The following MIAT variants were observed in gnomAD, a reference collection of about 807,000 sequenced individuals.
MIAT encodes the protein myocardial infarction associated transcript.
At chr22:26,647,022 G>T in intron 1 of MIAT, 4 of 398,178 alleles carry the variant, frequency 1.0e-5, no homozygotes, top group South Asian at 1.4e-4. Flanking sequence ...TGAGACATTT[G>T]ATTGGCTTTT....
At chr22:26,663,426 C>G (rs1247646157) in intron 3 of MIAT, 11 of 398,550 alleles carry the variant, frequency 2.8e-5, no homozygotes, top group Non-Finnish European at 4.4e-5. Context: ...CCTGTGTCCA[C>G]TGGGGATGGT....
chr22:26,670,950 C>A, downstream of MIAT: 1 of 397,018 alleles, frequency 2.5e-6, no homozygotes. Flanking sequence ...GGAGCCAGGC[C>A]AGCTTGATGC....
downstream of MIAT, chr22:26,672,946 G>GT (rs1236794890): frequency 2.5e-6 from 1 of 398,502 alleles, no homozygotes; most frequent in Admixed American, 4.4e-5. Context: ...CTAGAGAGCC[G>GT]TCTCCCCTCT....
At chr22:26,650,403 A>C (rs1930316969) in intron 2 of MIAT, 1 of 152,190 alleles carries the variant, frequency 6.6e-6, no homozygotes, top group Non-Finnish European at 1.5e-5. Flanking sequence ...CCTTGCTGAC[A>C]AGTATCCTCT....
exon 6 of MIAT, chr22:26,668,531 C>T (rs3752603): frequency 0.43 from 170,866 of 398,828 alleles, 38,057 homozygotes; most frequent in South Asian, 0.49. Context: ...CGCGTTTCTG[C>T]CGGTGACCAG....
At position 26,667,850 on chromosome 22, in the gene MIAT, T is replaced by C. The variant is rs1389430455; in HGVS notation, n.2263-308T>C. 3 of 203,636 alleles carry C rather than the reference T, an allele frequency of 1.5e-5. No homozygotes were observed. The Admixed American group carries it at 1.8e-4, about 12-fold the overall frequency. 12.6% of individuals were successfully genotyped at this position (203,636 alleles called of 1,614,324 possible). On this transcript the variant is annotated intron_variant and non_coding_transcript_variant, in intron 5 of 5. Transcript: ENST00000643270. Reference sequence around the variant, plus strand: ...CATGCTACCATGCCTGGCTTATTTTTTGTAGAGACAGAGTCTCATTATGTT... The same window carrying C: ...CATGCTACCATGCCTGGCTTATTTTCTGTAGAGACAGAGTCTCATTATGTT...
exon 1 of MIAT, chr22:26,646,455 A>G (rs1160533831): frequency 2.5e-6 from 1 of 399,284 alleles, no homozygotes; most frequent in Non-Finnish European, 4.4e-6. Flanking sequence ...GAACCACGAG[A>G]GGCAGGGAGG....
At chr22:26,669,718 G>A (rs4822767), downstream of MIAT, 349,192 of 399,074 alleles carry the variant, frequency 0.88, 153,269 homozygotes, top group East Asian at 1. Context: ...GGGATGGGGA[G>A]GAGGAGCAGA....
At chr22:26,671,092 G>C, downstream of MIAT, 1 of 398,622 alleles carries the variant, frequency 2.5e-6, no homozygotes, top group Non-Finnish European at 4.4e-6. Flanking sequence ...GGGTGTGCGT[G>C]TGTCTGTCAG....
chr22:26,666,151 T>C (rs1227818569), exon 4 of MIAT: 19 of 398,550 alleles, frequency 4.8e-5, no homozygotes, highest in African/African-American at 1.2e-4. Flanking sequence ...GAAGATATGC[T>C]GAGAGAGCTC....
intron 2 of MIAT, chr22:26,660,821 G>T (rs1342732688): frequency 2.0e-5 from 3 of 152,238 alleles, no homozygotes. Flanking sequence ...ACGCAGGTCC[G>T]TGTGCAAATC....
At chr22:26,675,990 A>G in exon 5 of MIAT, 1 of 398,712 alleles carries the variant, frequency 2.5e-6, no homozygotes, top group Non-Finnish European at 4.4e-6. Flanking sequence ...GAGCCCAAGC[A>G]GGCACATTCT....
intron 2 of MIAT, among the ~76,000 whole-genome samples, chr22:26,656,998 A>G (rs1157192755): frequency 6.6e-6 from 1 of 152,274 alleles, no homozygotes; most frequent in Non-Finnish European, 1.5e-5. Context: ...TGAAGTTAAC[A>G]GTTATGGGTT....
chr22:26,650,522 C>T (rs921242330), intron 2 of MIAT: 1 of 152,228 alleles, frequency 6.6e-6, no homozygotes, highest in Non-Finnish European at 1.5e-5. Flanking sequence ...CATTTGAATC[C>T]GTGTCTCAGG....
chr22:26,674,232 C>G (rs933860900), downstream of MIAT: 3 of 398,546 alleles, frequency 7.5e-6, no homozygotes, highest in African/African-American at 6.2e-5. Flanking sequence ...AGCATAAACT[C>G]TTCTGTGCAA....
At chr22:26,675,646 CG>C (rs1258757674) in exon 5 of MIAT, 5 of 398,504 alleles carry the variant, frequency 1.3e-5, no homozygotes, top group East Asian at 3.6e-5. Context: ...AATAAAGGCT[CG>C]GAAGGGGAGC....
intron 5 of MIAT, chr22:26,667,353 T>C (rs890579244): frequency 9.9e-5 from 39 of 395,776 alleles, no homozygotes; most frequent in African/African-American, 2.5e-4. Context: ...TGTGTGTGTG[T>C]GCGTGTGCAC....
chr22:26,665,768 G>A (rs1392460355), exon 4 of MIAT: 2 of 398,656 alleles, frequency 5.0e-6, no homozygotes, highest in African/African-American at 4.1e-5. Flanking sequence ...AAGAAAGAAA[G>A]AGCCTGTCCC....
At chr22:26,649,247 A>G (rs973989461) in intron 2 of MIAT, among the ~76,000 whole-genome samples, 2 of 152,210 alleles carry the variant, frequency 1.3e-5, no homozygotes, top group Non-Finnish European at 1.5e-5. Flanking sequence ...CCAAAGTCAC[A>G]TGGTGGGTAA....
Sources: allele counts gnomAD v4.1 joint callset (sites outside exome capture counted in the v4.1 genomes callset), GRCh38; gene constraint gnomAD v4.1.1; transcripts MANE v1.5; gene names NCBI Gene and HGNC (gene_info 2026-07-23, HGNC 2026-07-21).